Variants in NOP16 observed in about 807,000 individuals in gnomAD.
The protein encoded by NOP16 is NOP16 nucleolar protein.
In NOP16, 14 loss-of-function variants were observed where a neutral mutation model predicts 22.7. The ratio of observed to expected loss-of-function variants is 0.62; its 90% CI spans 0.41 to 0.97. NOP16 has a LOEUF of 0.97. NOP16 is among the 50% of genes least tolerant of loss of function. The probability of loss-of-function intolerance (pLI) is 0.00; values close to 1 mark genes in which losing one functional copy is unlikely to be tolerated. For missense variants in NOP16, 198 were observed against 235.9 expected (o/e 0.84, Z 1.05); for synonymous variants, 80 against 83.6 (o/e 0.96, Z 0.23).
Position 176,384,105 on chromosome 5 carries a change from C to T in NOP16, c.*126G>A, listed in dbSNP as rs756642081. 6.2e-7 allele frequency: 1 copy of T among 1,607,222 alleles called. No homozygotes were observed. Among genetic ancestry groups the T allele is most frequent in the South Asian group, 1.1e-5 (1 of 90,866 alleles). On this transcript the variant is annotated 3_prime_UTR_variant, in exon 5 of 5. Coordinates refer to ENST00000614830, the MANE Select transcript of NOP16 (RefSeq NM_016391.8). ...GGGAGTGTGCACGTGTGTGTGTAAC[C>T]TTCTGATTCCATGGGACCTGGCCAG...
Position 176,384,067 on chromosome 5 carries a change from C to T in NOP16, c.*164G>A. On this transcript the variant is annotated 3_prime_UTR_variant, in exon 5 of 5. Transcript: ENST00000614830. ...AAATTGGAGCCTCTGAGAACAGTTC[C>T]TTCCCCAGAGCGGGGAGTGTGCACG... is the stretch of plus-strand genomic sequence containing the variant. The T allele has an allele frequency of 6.4e-7, 1 of 1,572,904 alleles. No homozygotes were observed. Among genetic ancestry groups the T allele is most frequent in the Non-Finnish European group, 8.6e-7 (1 of 1,164,874 alleles).
chr5:176,384,168 C>G lies in NOP16; in HGVS notation c.*63G>C. 1 of 1,614,024 alleles carries G rather than the reference C, an allele frequency of 6.2e-7. No individual in the cohort carries two copies. The highest frequency in any genetic ancestry group is 8.5e-7 in the Non-Finnish European group (1 of 1,180,026). On this transcript the variant is annotated 3_prime_UTR_variant, in exon 5 of 5. Coordinates refer to ENST00000614830, the MANE Select transcript of NOP16 (RefSeq NM_016391.8). ...CACACAGCACCTCCTTGCCTTACAC[C>G]CTGGCTCCAGCTTCACTGGTCCGGG...
rs781612471 is a variant in NOP16, at chr5:176,386,864, C to T, written c.262G>A (p.Val88Ile). The change falls in exon 3 of 5, where the codon GTA becomes ATA. Residue 88 changes from valine (V) to isoleucine (I), a missense_variant. Coordinates refer to ENST00000614830, the MANE Select transcript of NOP16 (RefSeq NM_016391.8). The part of the protein sequence containing the change: ...VDIEERPKEL[V>I]RKPYVLNDLE... ...CCATTCAGCACATAGGGCTTCCGTA[C>T]AAGCTCTTTAGGCCTCTCCTCTATG... 16 of 1,614,140 alleles carry T rather than the reference C, an allele frequency of 9.9e-6. No homozygotes were observed. Among genetic ancestry groups the T allele is most frequent in the Admixed American group, 1.7e-5 (1 of 60,000 alleles).
rs1378371843 is a variant in NOP16 at position 176,384,151 on chromosome 5, A to C, written c.*80T>G. 1 of 1,612,852 alleles carries C rather than the reference A, an allele frequency of 6.2e-7. No homozygotes were observed. ...GCCAGCTCCTCTGGAGCCACACAGC[A>C]CCTCCTTGCCTTACACCCTGGCTCC... On this transcript the variant is annotated 3_prime_UTR_variant, in exon 5 of 5. Coordinates refer to ENST00000614830, the MANE Select transcript of NOP16 (RefSeq NM_016391.8).
rs776827532 is a variant in NOP16 at position 176,385,188 on chromosome 5, TCCCAGCCAGCCCAC to T, written c.393+19_393+32del. On this transcript the variant is annotated intron_variant, in intron 4 of 4. Transcript: ENST00000614830. ...AAGCCGCGAATGGTCCAGGGCGCCT[TCCCAGCCAGCCCAC>T]GGGGCCTGAGCCGCTCACCTTATAG... 2.3e-6 allele frequency: 3 copies of T among 1,327,154 alleles called. No individual in the cohort carries two copies. Among genetic ancestry groups the T allele is most frequent in the Non-Finnish European group, 3.3e-6 (3 of 918,212 alleles). 82.2% of individuals were successfully genotyped at this position (1,327,154 alleles called of 1,614,324 possible).
chr5:176,388,146 G>C, intron 2 of NOP16, 89 bp downstream of exon 2: 1 of 970,792 alleles, frequency 1.0e-6, no homozygotes, highest in Non-Finnish European at 1.6e-6. Context: ...CTGAGGGAAG[G>C]AATGGGCAGT....
chr5:176,386,826 T>C lies in NOP16; in HGVS notation c.286+14A>G, dbSNP rs1262375452. On this transcript the variant is annotated intron_variant, in intron 3 of 4. Coordinates refer to ENST00000614830, the MANE Select transcript of NOP16 (RefSeq NM_016391.8). ...CAGGACAGTGACCTAAAGGAATATATGGACCACACCCACCATTCAGCACAT... is the reference window on the plus strand; with the variant it reads ...CAGGACAGTGACCTAAAGGAATATACGGACCACACCCACCATTCAGCACAT... 1.9e-6 allele frequency: 3 copies of C among 1,611,898 alleles called. No individual in the cohort carries two copies. Among genetic ancestry groups the C allele is most frequent in the Non-Finnish European group, 2.5e-6 (3 of 1,177,932 alleles).
At chr5:176,385,187 T>A in intron 4 of NOP16, 34 bp downstream of exon 4, 3 of 1,311,820 alleles carry the variant, frequency 2.3e-6, no homozygotes, top group Non-Finnish European at 3.3e-6. Flanking sequence ...CCAGGGCGCC[T>A]TCCCAGCCAG....
chr5:176,388,112 G>A, intron 2 of NOP16, 123 bp downstream of exon 2: 1 of 689,338 alleles, frequency 1.5e-6, no homozygotes, highest in East Asian at 2.7e-5. Flanking sequence ...TCTGACTGTG[G>A]GGAGGTCGAA....
chr5:176,387,152 T>C (rs1052765748), intron 2 of NOP16, among the ~76,000 whole-genome samples: 16 of 152,126 alleles, frequency 1.1e-4, no homozygotes, highest in African/African-American at 3.9e-4. Context: ...GGCACAATCT[T>C]GGTTGACTGC....
chr5:176,385,083 T>A lies in NOP16; in HGVS notation c.393+138A>T, dbSNP rs377516472. The A allele has an allele frequency of 3.2e-5, 22 of 689,668 alleles. No homozygotes were observed. The African/African-American group carries it at 3.5e-4, about 11-fold the overall frequency. The allele number at this position is 689,668 out of a possible 1,614,324, so 42.7% of individuals were successfully genotyped here. A position where few individuals can be genotyped will look rare whatever the true frequency, so the allele number is the denominator to read the frequency against. On this transcript the variant is annotated intron_variant, in intron 4 of 4. Transcript: ENST00000614830. ...TTCATTCAAGTTAGATCCCTGTCAA[T>A]GGGATCCATTTCCTAGAGTCTCTTT... is the stretch of plus-strand genomic sequence containing the variant.
intron 2 of NOP16, 28 bp from the exon 3 acceptor site, chr5:176,386,937 G>A (rs1554125439): frequency 2.5e-6 from 4 of 1,603,974 alleles, no homozygotes; most frequent in Non-Finnish European, 3.4e-6. Context: ...CTTGAGACCA[G>A]AAGGATCTTT....
In NOP16 at chr5:176,388,349, G is replaced by C; in HGVS notation, c.108-6C>G. On this transcript the variant is annotated splice_region_variant and splice_polypyrimidine_tract_variant and intron_variant, in intron 1 of 4. Transcript: ENST00000614830. The stretch of plus-strand genomic sequence containing the variant: ...AGGCATGTCGGATGTGGGAGCTACC[G>C]GCAAAGAGAGACATCGCGGATCCGT... 2.5e-6 allele frequency: 4 copies of C among 1,613,778 alleles called. No individual in the cohort carries two copies. Among genetic ancestry groups the C allele is most frequent in the Non-Finnish European group, 3.4e-6 (4 of 1,179,652 alleles).
Position 176,383,976 on chromosome 5 carries a change from T to C in NOP16, c.*255A>G. 4 of 1,530,654 alleles carry C rather than the reference T, an allele frequency of 2.6e-6. No individual in the cohort carries two copies. Among genetic ancestry groups the C allele is most frequent in the Non-Finnish European group, 3.5e-6 (4 of 1,144,982 alleles). 94.8% of individuals were successfully genotyped at this position (1,530,654 alleles called of 1,614,324 possible). The stretch of plus-strand genomic sequence containing the variant: ...TATATTTGCTTTATTATGTACACAC[T>C]ATATTTACATCACCCACCCTGAAAA... On this transcript the variant is annotated 3_prime_UTR_variant, in exon 5 of 5. Transcript: ENST00000614830.
rs575715231 is a variant in NOP16, at chr5:176,388,573, C to A, written c.-34G>T. On this transcript the variant is annotated 5_prime_UTR_variant, in exon 1 of 5. Transcript: ENST00000614830. ...CCACCGCACCAGCAGCTCAAACACG[C>A]TGCCTCTGTCTCTCAGACCTCGTGT... 28 of 1,567,362 alleles carry A rather than the reference C, an allele frequency of 1.8e-5. No individual in the cohort carries two copies. Among genetic ancestry groups the A allele is most frequent in the Admixed American group, 5.1e-5 (3 of 59,370 alleles).
chr5:176,385,006 T>C, intron 4 of NOP16: 2 of 579,846 alleles, frequency 3.4e-6, no homozygotes, highest in South Asian at 4.4e-5. Flanking sequence ...AAAACATTTA[T>C]CTGTGAGTGA....
intron 2 of NOP16, 169 bp from the exon 3 acceptor site, chr5:176,387,078 C>CTTT: frequency 8.4e-6 from 2 of 237,590 alleles, no homozygotes; most frequent in Non-Finnish European, 8.3e-6. Flanking sequence ...CTCTCTCTCT[C>CTTT]TTTTTTTTTT....
intron 2 of NOP16, among the ~76,000 whole-genome samples, 164 bp downstream of exon 2, chr5:176,388,071 A>C (rs551680061): frequency 6.6e-6 from 1 of 152,278 alleles, no homozygotes; most frequent in Admixed American, 6.5e-5. Flanking sequence ...GAAGGTCGTA[A>C]AGAGACCCTT....
chr5:176,386,814 TA>T, intron 3 of NOP16, 25 bp downstream of exon 3: 1 of 1,605,816 alleles, frequency 6.2e-7, no homozygotes, highest in Non-Finnish European at 8.5e-7. Flanking sequence ...GACAGTGACC[TA>T]AAGGAATATA....
Sources: gnomAD v4.1 joint callset for allele counts (sites outside exome capture counted in the v4.1 genomes callset) on GRCh38, gnomAD v4.1.1 for gene constraint, MANE v1.5 for transcripts, NCBI Gene and HGNC (gene_info 2026-07-23, HGNC 2026-07-21) for gene names.